The following IGF1R variants were observed in gnomAD, a reference collection of about 807,000 sequenced individuals.
IGF1R encodes the protein insulin-like growth factor 1 receptor.
In IGF1R, 44 loss-of-function variants were observed where a neutral mutation model predicts 144.6. The ratio of observed to expected loss-of-function variants is 0.30; its 90% CI spans 0.24 to 0.39. IGF1R has a LOEUF of 0.39. IGF1R is among the 10% of genes least tolerant of loss of function. The probability of loss-of-function intolerance (pLI) is 1.00; values close to 1 mark genes in which losing one functional copy is unlikely to be tolerated. For missense variants in IGF1R, 1,355 were observed against 1,833.7 expected, an observed-to-expected ratio of 0.74 and a Z score of 4.77; for synonymous variants, 795 against 722.8, an observed-to-expected ratio of 1.10 and a Z score of -1.60.
chr15:98,911,826 C>G (rs527764096), intron 7 of IGF1R, among the ~76,000 whole-genome samples: 1 of 152,310 alleles, frequency 6.6e-6, no homozygotes, highest in Non-Finnish European at 1.5e-5. Flanking sequence ...TAGGCCTACT[C>G]CAGGAACACC....
chr15:98,895,251 C>G (rs972412005), intron 3 of IGF1R, among the ~76,000 whole-genome samples: 1 of 98,030 alleles, frequency 1.0e-5, no homozygotes, highest in African/African-American at 2.7e-5. Context: ...CACACACACA[C>G]ACACACACAC....
chr15:98,713,605 A>T (rs899397021), intron 2 of IGF1R, among the ~76,000 whole-genome samples: 1 of 152,144 alleles, frequency 6.6e-6, no homozygotes, highest in African/African-American at 2.4e-5. Context: ...ATGACTTTGT[A>T]AGGCAGTTTT....
chr15:98,702,676 T>A (rs1403744807), intron 1 of IGF1R, among the ~76,000 whole-genome samples: 1 of 152,178 alleles, frequency 6.6e-6, no homozygotes, highest in Non-Finnish European at 1.5e-5. Flanking sequence ...GTGGTGGTAA[T>A]CCCAGCACTT....
chr15:98,840,680 T>G (rs1366353225), intron 2 of IGF1R, among the ~76,000 whole-genome samples: 1 of 148,820 alleles, frequency 6.7e-6, no homozygotes, highest in Non-Finnish European at 1.5e-5. Flanking sequence ...TTGTTTTGTT[T>G]TTTTTTTTTT....
At chr15:98,749,362 G>A (rs2054949087) in intron 2 of IGF1R, among the ~76,000 whole-genome samples, 1 of 152,142 alleles carries the variant, frequency 6.6e-6, no homozygotes, top group South Asian at 2.1e-4. Flanking sequence ...GTGACCCAAA[G>A]TGATTTGGGT....
At chr15:98,768,364 C>A (rs1222999544) in intron 2 of IGF1R, among the ~76,000 whole-genome samples, 1 of 152,128 alleles carries the variant, frequency 6.6e-6, no homozygotes, top group Admixed American at 6.5e-5. Context: ...CGCCTATAAT[C>A]CCAGTACTTT....
At chr15:98,840,808 C>T (rs1263189616) in intron 2 of IGF1R, among the ~76,000 whole-genome samples, 1 of 151,908 alleles carries the variant, frequency 6.6e-6, no homozygotes, top group Non-Finnish European at 1.5e-5. Context: ...CCCGAGTAGA[C>T]TAGCTGGGAT....
intron 2 of IGF1R, among the ~76,000 whole-genome samples, chr15:98,883,836 A>C (rs891665866): frequency 4.6e-5 from 7 of 152,148 alleles, no homozygotes; most frequent in African/African-American, 1.2e-4. Context: ...CAGGCTTCCT[A>C]GGCAGCCCCT....
chr15:98,941,849 C>T (rs1307054099), intron 18 of IGF1R, among the ~76,000 whole-genome samples: 4 of 152,148 alleles, frequency 2.6e-5, no homozygotes, highest in Non-Finnish European at 5.9e-5. Context: ...TGGAGCAGCC[C>T]TTTCTCCTGG....
intron 1 of IGF1R, among the ~76,000 whole-genome samples, chr15:98,678,675 G>A (rs920872684): frequency 3.3e-5 from 5 of 150,504 alleles, no homozygotes; most frequent in African/African-American, 7.3e-5. Flanking sequence ...CGCCACACCC[G>A]GCTAATTTTT....
In IGF1R at chr15:98,935,882, C is replaced by T. The variant is rs2016126477; in HGVS notation, c.3297+456C>T. Among the ~76,000 whole-genome samples, 1 of 152,144 alleles carries T rather than the reference C, an allele frequency of 6.6e-6. No individual in the cohort carries two copies. Among genetic ancestry groups the T allele is most frequent in the Non-Finnish European group, 1.5e-5 (1 of 68,030 alleles). ...TTGTTGGAGTGTGTCCCCCCTCCAC[C>T]CCGTTGTGTTTAGCTTTTCATCTCA... is the stretch of plus-strand genomic sequence containing the variant. On this transcript the variant is annotated intron_variant, in intron 17 of 20. Coordinates refer to ENST00000650285, the MANE Select transcript of IGF1R (RefSeq NM_000875.5). This position sits in a 1 kb window ranked among gnomAD's most constrained non-coding sequence, Gnocchi z 4.2.
intron 10 of IGF1R, among the ~76,000 whole-genome samples, chr15:98,920,430 A>AGCCGGGAGAGGGGTTT (rs1461021417): frequency 6.6e-6 from 1 of 152,238 alleles, no homozygotes; most frequent in Non-Finnish European, 1.5e-5. Flanking sequence ...GGGTGGGCTG[A>AGCCGGGAGAGGGGTTT]GCCGGGAGAG....
chr15:98,748,582 C>A (rs891579079), intron 2 of IGF1R, among the ~76,000 whole-genome samples: 5 of 152,182 alleles, frequency 3.3e-5, no homozygotes, highest in Admixed American at 2.6e-4. Context: ...TATTGACTTG[C>A]ACTCCAGAAT....
chr15:98,878,661 C>T (rs1294004579), intron 2 of IGF1R, among the ~76,000 whole-genome samples: 2 of 25,802 alleles, frequency 7.8e-5, no homozygotes, highest in Admixed American at 4.0e-4. Flanking sequence ...TTGTGAAAGA[C>T]TCAAAAAAAA....
intron 2 of IGF1R, among the ~76,000 whole-genome samples, chr15:98,766,362 A>G (rs2055438035): frequency 6.6e-6 from 1 of 151,968 alleles, no homozygotes; most frequent in South Asian, 2.1e-4. Flanking sequence ...CTCTTTTCTG[A>G]TTCCCACCTT....
intron 18 of IGF1R, among the ~76,000 whole-genome samples, chr15:98,940,459 A>T (rs79897871): frequency 0.016 from 2,499 of 152,306 alleles, 86 homozygotes; most frequent in African/African-American, 0.057. Context: ...GCTGGAGTGC[A>T]GTGGCACAAT....
Position 98,914,798 on chromosome 15 carries a change from T to A in IGF1R, c.1829-1166T>A, listed in dbSNP as rs533817391. On this transcript the variant is annotated intron_variant, in intron 8 of 20. Coordinates refer to ENST00000650285, the MANE Select transcript of IGF1R (RefSeq NM_000875.5). ...ACACGCAGCGGAGACAGACGAGAAC[T>A]TGGTCCTCTGCCTCTGCTGTTTGGT... 6.0e-4 allele frequency among the ~76,000 whole-genome samples: 91 copies of A among 152,206 alleles called. 1 individual carries two copies. The highest frequency in any genetic ancestry group is 8.8e-4 in the Non-Finnish European group (60 of 68,036).
At chr15:98,825,305 C>A (rs2056872916) in intron 2 of IGF1R, among the ~76,000 whole-genome samples, 1 of 152,222 alleles carries the variant, frequency 6.6e-6, no homozygotes, top group South Asian at 2.1e-4. Flanking sequence ...ATACCAAAAT[C>A]CACAGATGCT....
At chr15:98,732,677 T>C (rs947107082) in intron 2 of IGF1R, among the ~76,000 whole-genome samples, 1 of 152,190 alleles carries the variant, frequency 6.6e-6, no homozygotes, top group African/African-American at 2.4e-5. Flanking sequence ...GGAGACTGAC[T>C]GGAGAAGATG....
Sources: allele counts gnomAD v4.1 joint callset (sites outside exome capture counted in the v4.1 genomes callset), GRCh38; gene constraint gnomAD v4.1.1; non-coding constraint Gnocchi (gnomAD v3.1); transcripts MANE v1.5; gene names NCBI Gene and HGNC (gene_info 2026-07-23, HGNC 2026-07-21).